DIP2C: variants seen among roughly 807,000 people sequenced by gnomAD.
DIP2C encodes the protein disco-interacting protein 2 homolog C.
DIP2C carries 33 observed loss-of-function variants against 192.4 expected under a neutral mutation model. The observed-to-expected ratio is 0.17, with a 90% CI of 0.13 to 0.23. The LOEUF (loss-of-function observed/expected upper bound fraction) is 0.23, where lower values mean the gene tolerates loss of function less well. Ranked by LOEUF, DIP2C falls within the 10% of genes least tolerant of loss-of-function variation. The probability of loss-of-function intolerance (pLI) is 1.00; values close to 1 mark genes in which losing one functional copy is unlikely to be tolerated. For synonymous variants in DIP2C, 979 were observed against 864.1 expected (o/e 1.13, Z -2.33); for missense variants, 1,537 against 2,110.1 (o/e 0.73, Z 5.32).
At chr10:545,584 C>G (rs1249713668) in intron 1 of DIP2C, among the ~76,000 whole-genome samples, 1 of 152,178 alleles carries the variant, frequency 6.6e-6, no homozygotes, top group Non-Finnish European at 1.5e-5. Context: ...CCCGGAGGAT[C>G]GAACCCTGCC....
intron 19 of DIP2C, chr10:364,848 G>A (rs2132738489): frequency 1.6e-6 from 1 of 639,870 alleles, no homozygotes; most frequent in Non-Finnish European, 2.9e-6. Context: ...ACCCTGAACA[G>A]ATAACACCCA....
chr10:329,206 T>C lies in DIP2C; in HGVS notation c.3753+227A>G, dbSNP rs1957394096. Among the ~76,000 whole-genome samples the C allele has an allele frequency of 3.3e-5, 5 of 152,366 alleles. No individual in the cohort carries two copies. The South Asian group carries it at 1.0e-3, about 32-fold the overall frequency. On this transcript the variant is annotated intron_variant, in intron 30 of 36. Transcript: ENST00000280886. ...AGTAGACCCAGTGGAATGACAGGCATTGAAAATATTTTACATTCTGGTTCG... is the reference window on the plus strand; with the variant it reads ...AGTAGACCCAGTGGAATGACAGGCACTGAAAATATTTTACATTCTGGTTCG...
chr10:652,773 C>G lies in DIP2C; in HGVS notation c.85+36721G>C, dbSNP rs186494469. ...TTTCTATCCTCCTCAAGCACAGAACCGCACGCAGAGTGATTTTTTTTTTTT... is the reference window on the plus strand; with the variant it reads ...TTTCTATCCTCCTCAAGCACAGAACGGCACGCAGAGTGATTTTTTTTTTTT... On this transcript the variant is annotated intron_variant, in intron 1 of 36. Coordinates refer to ENST00000280886, the MANE Select transcript of DIP2C (RefSeq NM_014974.3). The surrounding 1 kb of genome is among the most constrained non-coding windows in gnomAD (Gnocchi z 4.5). 6.6e-6 allele frequency: 1 copy of G among 152,132 alleles called. No homozygotes were observed. Among genetic ancestry groups the G allele is most frequent in the Non-Finnish European group, 1.5e-5 (1 of 68,050 alleles). The allele number at this position is 152,132 out of a possible 1,614,324, so 9.4% of individuals were successfully genotyped here. A position where few individuals can be genotyped will look rare whatever the true frequency, so the allele number is the denominator to read the frequency against.
intron 1 of DIP2C, among the ~76,000 whole-genome samples, chr10:525,992 C>G (rs917630834): frequency 6.6e-6 from 1 of 152,224 alleles, no homozygotes; most frequent in Admixed American, 6.5e-5. Flanking sequence ...GTGGAACCCC[C>G]GCACACCACC....
chr10:365,545 C>T (rs1251635961), intron 19 of DIP2C, among the ~76,000 whole-genome samples: 1 of 152,162 alleles, frequency 6.6e-6, no homozygotes, highest in Non-Finnish European at 1.5e-5. Context: ...TCAACAACAA[C>T]CAAAAGTTCT....
rs1847028307 is a variant in DIP2C, at chr10:525,994, C to T, written c.86-39464G>A. Among the ~76,000 whole-genome samples, 3 of 152,252 alleles carry T rather than the reference C, an allele frequency of 2.0e-5. 1 individual carries two copies. The South Asian group carries it at 6.2e-4, about 32-fold the overall frequency. On this transcript the variant is annotated intron_variant, in intron 1 of 36. Transcript: ENST00000280886. ...GCTCACACAGGCAGTGGAACCCCCG[C>T]ACACCACCTCCTTCTGCAACGCCTG...
At chr10:671,254 T>G (rs1229452224) in intron 1 of DIP2C, among the ~76,000 whole-genome samples, 1 of 152,142 alleles carries the variant, frequency 6.6e-6, no homozygotes, top group Admixed American at 6.5e-5. Context: ...GCCTCCAGCG[T>G]GGACGGAGAA....
chr10:622,761 G>C (rs1382117284), intron 1 of DIP2C, among the ~76,000 whole-genome samples: 4 of 152,146 alleles, frequency 2.6e-5, no homozygotes, highest in Non-Finnish European at 4.4e-5. Context: ...AACTTGCTCA[G>C]GGACTGGCTT....
chr10:281,472 C>T (rs1181325310), intron 35 of DIP2C, 149 bp from the exon 36 acceptor site: 3 of 1,235,180 alleles, frequency 2.4e-6, no homozygotes, highest in Non-Finnish European at 3.2e-6. Context: ...TTGTTTCCTT[C>T]TGCCACGGAG....
At chr10:655,736 T>A in intron 1 of DIP2C, among the ~76,000 whole-genome samples, 1 of 105,512 alleles carries the variant, frequency 9.5e-6, no homozygotes, top group Admixed American at 9.8e-5. Flanking sequence ...TTCTAGACTA[T>A]GTAATACTAC....
chr10:369,054 G>C (rs918724214), intron 18 of DIP2C, among the ~76,000 whole-genome samples: 1 of 152,250 alleles, frequency 6.6e-6, no homozygotes, highest in Non-Finnish European at 1.5e-5. Flanking sequence ...CTCTACTGCT[G>C]AAAACAGGTT....
chr10:288,858 G>C (rs892873895), intron 32 of DIP2C, among the ~76,000 whole-genome samples: 1 of 152,236 alleles, frequency 6.6e-6, no homozygotes, highest in Non-Finnish European at 1.5e-5. Context: ...CCAAGACAGC[G>C]CGTGCATCGC....
chr10:512,922 G>GAGAAAAAA (rs1554887229), intron 1 of DIP2C, among the ~76,000 whole-genome samples: 2 of 92,180 alleles, frequency 2.2e-5, no homozygotes, highest in African/African-American at 8.7e-5. Context: ...CCCACTTCAG[G>GAGAAAAAA]AAAAAAAAAA....
rs79194840 is a variant in DIP2C at position 482,177 on chromosome 10, C to T, written c.157+4282G>A. 7.6e-3 allele frequency among the ~76,000 whole-genome samples: 1,164 copies of T among 152,234 alleles called. 11 individuals carry two copies. Among genetic ancestry groups the T allele is most frequent in the African/African-American group, 0.026 (1,098 of 41,530 alleles). ...AGCAGAGTTCCTCATGTGGATGCAG[C>T]GGCATGGCTGTCGGGAGGGACAGCG... On this transcript the variant is annotated intron_variant, in intron 2 of 36. Coordinates refer to ENST00000280886, the MANE Select transcript of DIP2C (RefSeq NM_014974.3).
At chr10:570,103 C>T (rs989459521) in intron 1 of DIP2C, among the ~76,000 whole-genome samples, 7 of 152,158 alleles carry the variant, frequency 4.6e-5, no homozygotes, top group African/African-American at 1.7e-4. Context: ...CAAAGGCTTT[C>T]AGAGATAGTC....
intron 1 of DIP2C, among the ~76,000 whole-genome samples, chr10:539,342 G>C (rs865811080): frequency 2.0e-5 from 3 of 152,162 alleles, no homozygotes; most frequent in Admixed American, 6.5e-5. Context: ...TAAGCATTCA[G>C]ACTTTATTAT....
chr10:309,977 C>T (rs150410788), intron 32 of DIP2C, 54 bp downstream of exon 32: 22 of 1,563,682 alleles, frequency 1.4e-5, no homozygotes, highest in Admixed American at 5.1e-5. Flanking sequence ...CATGCAAGGC[C>T]GCAGAACAAA....
intron 1 of DIP2C, among the ~76,000 whole-genome samples, chr10:649,021 G>C (rs1564302849): frequency 1.3e-5 from 2 of 149,756 alleles, no homozygotes; most frequent in African/African-American, 4.9e-5. Context: ...TTTGAGGGTG[G>C]GTGAGAACAG....
chr10:310,259 A>C (rs575803933), intron 31 of DIP2C, among the ~76,000 whole-genome samples, 167 bp from the exon 32 acceptor site: 9 of 152,372 alleles, frequency 5.9e-5, no homozygotes, highest in African/African-American at 2.2e-4. Flanking sequence ...TTTCAGTGTG[A>C]TAACCTAAAT....
Sources: gnomAD v4.1 joint callset for allele counts (sites outside exome capture counted in the v4.1 genomes callset) on GRCh38, gnomAD v4.1.1 for gene constraint, Gnocchi (gnomAD v3.1) non-coding constraint, MANE v1.5 for transcripts, NCBI Gene and HGNC (gene_info 2026-07-23, HGNC 2026-07-21) for gene names.